The following CCT4 variants were observed in gnomAD, a reference collection of about 807,000 sequenced individuals.
The protein encoded by CCT4 is T-complex protein 1 subunit delta.
Under a neutral mutation model 62.5 loss-of-function variants are expected in CCT4, and 17 were observed. The observed-to-expected ratio is 0.27, with a 90% CI of 0.19 to 0.41. CCT4 has a LOEUF of 0.41. CCT4 is among the 10% of genes least tolerant of loss of function. The probability of loss-of-function intolerance (pLI) is 1.00; values close to 1 mark genes in which losing one functional copy is unlikely to be tolerated. For missense variants in CCT4, 592 were observed against 659.2 expected, an observed-to-expected ratio of 0.90 and a Z score of 1.12; for synonymous variants, 250 against 229.9, an observed-to-expected ratio of 1.09 and a Z score of -0.79.
chr2:61,880,260 T>G, intron 4 of CCT4, 26 bp downstream of exon 4: 1 of 1,228,332 alleles, frequency 8.1e-7, no homozygotes, highest in Non-Finnish European at 1.1e-6. Flanking sequence ...TTTTCTTTAT[T>G]CAGTAATAAA....
intron 5 of CCT4, among the ~76,000 whole-genome samples, chr2:61,877,989 A>C (rs1483945727): frequency 6.6e-6 from 1 of 152,174 alleles, no homozygotes; most frequent in Non-Finnish European, 1.5e-5. Context: ...TGAAGCCAAG[A>C]GGTTAAGTCA....
In CCT4 at chr2:61,868,648, GC is replaced by G; in HGVS notation, c.*43del. On this transcript the variant is annotated 3_prime_UTR_variant, in exon 14 of 14. Transcript: ENST00000394440. ...ACCAAGGTGATCTTCTTCCATTCCAGCCACAATACTGGTGATCATAATGGTG... is the reference window on the plus strand; with the variant it reads ...ACCAAGGTGATCTTCTTCCATTCCAGCACAATACTGGTGATCATAATGGTG... The G allele has an allele frequency of 6.8e-7, 1 of 1,478,260 alleles. No individual in the cohort carries two copies. Among genetic ancestry groups the G allele is most frequent in the Non-Finnish European group, 9.5e-7 (1 of 1,057,638 alleles). 91.6% of individuals were successfully genotyped at this position (1,478,260 alleles called of 1,614,324 possible). A position where few individuals can be genotyped will look rare whatever the true frequency, so the allele number is the denominator to read the frequency against.
At chr2:61,869,364 A>G in intron 13 of CCT4, 76 bp downstream of exon 13, 1 of 834,674 alleles carries the variant, frequency 1.2e-6, no homozygotes, top group East Asian at 2.5e-5. Context: ...ACCAAACAAC[A>G]ACAACAACAA....
At position 61,885,080 on chromosome 2, in the gene CCT4, T is replaced by TG. The variant is rs199849903; in HGVS notation, c.128-9dup. On this transcript the variant is annotated splice_polypyrimidine_tract_variant and intron_variant, in intron 1 of 13. Coordinates refer to ENST00000394440, the MANE Select transcript of CCT4 (RefSeq NM_006430.4). ...TAATAGCATCAGCAACCGCTGCAGA[T>TG]GGGGGGGAAAAAAAAGAAAACAAAT... 1.9e-4 allele frequency: 266 copies of TG among 1,419,802 alleles called. No individual in the cohort carries two copies. The highest frequency in any genetic ancestry group is 5.9e-4 in the East Asian group (23 of 39,228). The allele number at this position is 1,419,802 out of a possible 1,614,324, so 88.0% of individuals were successfully genotyped here.
chr2:61,887,271 C>T (rs1438127389), intron 1 of CCT4, among the ~76,000 whole-genome samples: 1 of 152,202 alleles, frequency 6.6e-6, no homozygotes, highest in Non-Finnish European at 1.5e-5. Context: ...CCTATCTTAG[C>T]GCCATCACAT....
chr2:61,877,748 C>G (rs1669032021), intron 5 of CCT4, among the ~76,000 whole-genome samples: 1 of 151,904 alleles, frequency 6.6e-6, no homozygotes, highest in Non-Finnish European at 1.5e-5. Context: ...AATATAATAG[C>G]CGGGACTGTA....
intron 5 of CCT4, 109 bp from the exon 6 acceptor site, chr2:61,877,623 G>A: frequency 1.2e-6 from 1 of 814,842 alleles, no homozygotes; most frequent in Non-Finnish European, 1.8e-6. Context: ...GCAGTGGGGT[G>A]TGGGTATGAA....
Position 61,872,321 on chromosome 2 carries a change from A to T in CCT4, c.1257-5T>A. 6.4e-7 allele frequency: 1 copy of T among 1,571,240 alleles called. No homozygotes were observed. ...CCACCTCCTGCAATAAGAGCCCTGA[A>T]ATTCACAAATATATTTTTAGCTTAT... On this transcript the variant is annotated splice_polypyrimidine_tract_variant and splice_region_variant and intron_variant, in intron 11 of 13. Coordinates refer to ENST00000394440, the MANE Select transcript of CCT4 (RefSeq NM_006430.4).
At chr2:61,874,785 T>C (rs111922804) in intron 8 of CCT4, among the ~76,000 whole-genome samples, 1,847 of 152,272 alleles carry the variant, frequency 0.012, 32 homozygotes, top group African/African-American at 0.041. Context: ...GCAACATGGC[T>C]TTTAAAAGAA....
Position 61,868,357 on chromosome 2 carries a change from T to A in CCT4, c.*335A>T, listed in dbSNP as rs1668818548. The A allele has an allele frequency of 3.9e-6, 1 of 254,124 alleles. No individual in the cohort carries two copies. Among genetic ancestry groups the A allele is most frequent in the East Asian group, 8.0e-5 (1 of 12,530 alleles). 15.7% of individuals were successfully genotyped at this position (254,124 alleles called of 1,614,324 possible). ...ATATATATTATATGTTGGTAGTTTT[T>A]AAGGCCAGGGAGCATTTATCAGTGA... On this transcript the variant is annotated 3_prime_UTR_variant, in exon 14 of 14. Transcript: ENST00000394440.
At chr2:61,871,070 C>T (rs1231407082) in intron 12 of CCT4, among the ~76,000 whole-genome samples, 20 of 144,964 alleles carry the variant, frequency 1.4e-4, no homozygotes, top group Admixed American at 3.5e-4. Flanking sequence ...CTCGCCCTGT[C>T]GCCCAGGCTG....
intron 12 of CCT4, among the ~76,000 whole-genome samples, chr2:61,870,248 C>T (rs1291524254): frequency 6.6e-6 from 1 of 151,814 alleles, no homozygotes; most frequent in Non-Finnish European, 1.5e-5. Context: ...GCACTCCAGC[C>T]TGGGTAACAG....
At chr2:61,882,237 A>G (rs1228847435) in intron 3 of CCT4, among the ~76,000 whole-genome samples, 2 of 152,110 alleles carry the variant, frequency 1.3e-5, no homozygotes, top group Non-Finnish European at 1.5e-5. Context: ...CCAGACTGAT[A>G]GAAATTTCTT....
chr2:61,886,780 A>G (rs1357055737), intron 1 of CCT4, among the ~76,000 whole-genome samples: 1 of 148,454 alleles, frequency 6.7e-6, no homozygotes, highest in African/African-American at 2.5e-5. Context: ...TTTTTTTTTG[A>G]GACGGAGTTT....
chr2:61,868,722 C>G lies in CCT4; in HGVS notation c.1606-16G>C. The G allele has an allele frequency of 6.4e-7, 1 of 1,571,602 alleles. No homozygotes were observed. Among genetic ancestry groups the G allele is most frequent in the Non-Finnish European group, 8.8e-7 (1 of 1,141,692 alleles). ...GAGTGTTTACCTGATAAGAGAAAAA[C>G]TTAGATTTCAAAACCTGTAATGACA... On this transcript the variant is annotated splice_polypyrimidine_tract_variant and intron_variant, in intron 13 of 13. Coordinates refer to ENST00000394440, the MANE Select transcript of CCT4 (RefSeq NM_006430.4).
intron 4 of CCT4, 79 bp downstream of exon 4, chr2:61,880,207 A>C: frequency 1.6e-6 from 1 of 643,706 alleles, no homozygotes; most frequent in Non-Finnish European, 2.7e-6. Flanking sequence ...ATCCCATATT[A>C]CTTATGAATA....
At chr2:61,881,266 T>C (rs1401819211) in intron 3 of CCT4, among the ~76,000 whole-genome samples, 1 of 152,132 alleles carries the variant, frequency 6.6e-6, no homozygotes, top group African/African-American at 2.4e-5. Flanking sequence ...ATCATTTTTT[T>C]CAACATTTTA....
At chr2:61,888,099 T>G (rs1431671080) in intron 1 of CCT4, 1 of 358,286 alleles carries the variant, frequency 2.8e-6, no homozygotes, top group Admixed American at 4.6e-5. Flanking sequence ...CCTCGGCATT[T>G]TGAACTGCTT....
chr2:61,882,607 CAAACA>C (rs1669143519), intron 3 of CCT4, among the ~76,000 whole-genome samples: 1 of 151,898 alleles, frequency 6.6e-6, no homozygotes, highest in African/African-American at 2.4e-5. Flanking sequence ...CCCCTGGACT[CAAACA>C]ATTCTCCCAC....
Sources: gnomAD v4.1 joint callset for allele counts (sites outside exome capture counted in the v4.1 genomes callset) on GRCh38, gnomAD v4.1.1 for gene constraint, MANE v1.5 for transcripts, NCBI Gene and HGNC (gene_info 2026-07-23, HGNC 2026-07-21) for gene names.